GRID1: variants seen among roughly 807,000 people sequenced by gnomAD.
The protein encoded by GRID1 is glutamate ionotropic receptor delta type subunit 1.
GRID1 carries 28 observed loss-of-function variants against 98.0 expected under a neutral mutation model. The observed-to-expected ratio is 0.29, with a 90% confidence interval of 0.21 to 0.39. GRID1 has a LOEUF of 0.39. Ranked by LOEUF, GRID1 falls within the 10% of genes least tolerant of loss-of-function variation. The pLI is 1.00. For missense variants in GRID1, 1,111 were observed against 1,340.5 expected, an observed-to-expected ratio of 0.83 and a Z score of 2.67; for synonymous variants, 553 against 538.5, an observed-to-expected ratio of 1.03 and a Z score of -0.37.
In GRID1 at chr10:85,724,412, A is replaced by G. The variant is rs1385373689; in HGVS notation, c.1798T>C (p.Ser600Pro). ...GCGCTGTGCAGAGTGGCAGAAGCTGACGGCCTGGGCTGGGCAGCACTCTGA... is the reference window on the plus strand; with the variant it reads ...GCGCTGTGCAGAGTGGCAGAAGCTGGCGGCCTGGGCTGGGCAGCACTCTGA... ...RAQSAAQPRP[S>P]ASATLHSAIW... The change falls in exon 11 of 16, where the codon TCA becomes CCA. Residue 600 changes from serine to proline, a missense_variant. Physicochemically the swap from Ser to Pro is moderately conservative, Grantham distance 74 (BLOSUM62 -1). This residue lies in a region of GRID1 where 762 missense variants were observed against 869.1 expected (regional missense o/e 0.88). Coordinates refer to ENST00000327946, the MANE Select transcript of GRID1 (RefSeq NM_017551.3). 3 of 1,614,012 alleles carry G rather than the reference A, an allele frequency of 1.9e-6. No individual in the cohort carries two copies. The highest frequency in any genetic ancestry group is 2.5e-6 in the Non-Finnish European group (3 of 1,180,028).
At chr10:86,065,088 C>T (rs1160326697) in intron 4 of GRID1, among the ~76,000 whole-genome samples, 1 of 152,192 alleles carries the variant, frequency 6.6e-6, no homozygotes, top group Admixed American at 6.5e-5. Flanking sequence ...TGGCTGAGCA[C>T]CCCACTAGGG....
chr10:86,010,136 C>T (rs7090075), intron 4 of GRID1, among the ~76,000 whole-genome samples: 89,250 of 152,090 alleles, frequency 0.59, 26,501 homozygotes, highest in African/African-American at 0.66. Context: ...TTGACTGCCC[C>T]TGGAATCCTT....
At chr10:86,299,461 C>T (rs1295412251) in intron 2 of GRID1, among the ~76,000 whole-genome samples, 1 of 151,402 alleles carries the variant, frequency 6.6e-6, no homozygotes, top group Non-Finnish European at 1.5e-5. Flanking sequence ...TTAGGTATAT[C>T]TCCTAATGCT....
intron 3 of GRID1, among the ~76,000 whole-genome samples, chr10:86,141,967 G>A (rs939195234): frequency 1.3e-5 from 2 of 152,208 alleles, no homozygotes; most frequent in Non-Finnish European, 2.9e-5. Context: ...CTCCAGCTCC[G>A]GCCTCAGCCA....
intron 2 of GRID1, among the ~76,000 whole-genome samples, chr10:86,266,047 G>A (rs548072749): frequency 1.3e-4 from 20 of 152,062 alleles, no homozygotes; most frequent in African/African-American, 3.4e-4. Context: ...AAACTTCCCC[G>A]TGGAGCGCTG....
chr10:86,344,665 CTTG>C (rs1848357667), intron 2 of GRID1, among the ~76,000 whole-genome samples: 2 of 152,242 alleles, frequency 1.3e-5, no homozygotes. Flanking sequence ...AAAGCCCTGT[CTTG>C]ACACCTGAAT....
chr10:86,271,041 T>C (rs1335798603), intron 2 of GRID1, among the ~76,000 whole-genome samples: 3 of 152,152 alleles, frequency 2.0e-5, no homozygotes, highest in African/African-American at 7.2e-5. Flanking sequence ...AGAAGAGTGA[T>C]GGGCACAGAG....
intron 3 of GRID1, among the ~76,000 whole-genome samples, chr10:86,165,049 C>T (rs1845378900): frequency 6.6e-6 from 1 of 152,168 alleles, no homozygotes; most frequent in African/African-American, 2.4e-5. Flanking sequence ...CCTTCAGCTG[C>T]CCTGCTGTGT....
rs1156892068 is a variant in GRID1 at position 85,600,150 on chromosome 10, A to C, written c.*2123T>G. On this transcript the variant is annotated 3_prime_UTR_variant, in exon 16 of 16. Coordinates refer to ENST00000327946, the MANE Select transcript of GRID1 (RefSeq NM_017551.3). ...AAATAGAGAGATATATATGTGAAAAATTGACCATTCAGGGCAGGGCCCCCA... is the reference window on the plus strand; with the variant it reads ...AAATAGAGAGATATATATGTGAAAACTTGACCATTCAGGGCAGGGCCCCCA... 1.3e-5 allele frequency: 2 copies of C among 152,376 alleles called. No homozygotes were observed. The highest frequency in any genetic ancestry group is 4.8e-5 in the African/African-American group (2 of 41,360). 9.4% of individuals were successfully genotyped at this position (152,376 alleles called of 1,614,324 possible).
rs34422598 is a variant in GRID1 at position 85,767,232 on chromosome 10, G to A, written c.1234-37618C>T. Among the ~76,000 whole-genome samples the A allele has an allele frequency of 4.7e-3, 710 of 152,268 alleles. 2 individuals are homozygous for A. Among genetic ancestry groups the A allele is most frequent in the Non-Finnish European group, 6.9e-3 (466 of 68,010 alleles). On this transcript the variant is annotated intron_variant, in intron 8 of 15. Transcript: ENST00000327946. ...CTAGGAAATGTAGAGCCAAGTTGGC[G>A]AAATGTAGCAATTGTATAAACTCAT... is the stretch of plus-strand genomic sequence containing the variant.
intron 4 of GRID1, among the ~76,000 whole-genome samples, chr10:86,116,408 G>A (rs191354391): frequency 5.8e-4 from 88 of 152,218 alleles, no homozygotes; most frequent in African/African-American, 1.8e-3. Flanking sequence ...GCTCTCTCCC[G>A]CAACTCCCCA....
At chr10:86,288,374 T>C (rs1297882184) in intron 2 of GRID1, among the ~76,000 whole-genome samples, 1 of 152,232 alleles carries the variant, frequency 6.6e-6, no homozygotes. Context: ...GGACAGTGTG[T>C]GATCAGTTAC....
At chr10:85,694,318 T>C (rs971992194) in intron 12 of GRID1, among the ~76,000 whole-genome samples, 1 of 151,962 alleles carries the variant, frequency 6.6e-6, no homozygotes. Context: ...TATACACTGT[T>C]GGAAGGAATG....
chr10:85,803,048 T>C (rs921354332), intron 8 of GRID1, among the ~76,000 whole-genome samples: 1 of 152,024 alleles, frequency 6.6e-6, no homozygotes, highest in East Asian at 1.9e-4. Context: ...AAGAGGTTGG[T>C]TGCCAGAAGG....
In GRID1 at chr10:86,352,169, G is replaced by A. The variant is rs556424598; in HGVS notation, c.235+11772C>T. Among the ~76,000 whole-genome samples the A allele has an allele frequency of 5.9e-5, 9 of 152,334 alleles. No homozygotes were observed. In the South Asian group the frequency reaches 1.9e-3, roughly 32 times the overall value. On this transcript the variant is annotated intron_variant, in intron 2 of 15. Transcript: ENST00000327946. The stretch of plus-strand genomic sequence containing the variant: ...TACAGCTCAGCATAAAGACTGGTTC[G>A]AGATGAGAGTCACCCATCCTCAGAG...
intron 3 of GRID1, among the ~76,000 whole-genome samples, chr10:86,140,065 C>G (rs549070605): frequency 9.9e-5 from 15 of 152,210 alleles, no homozygotes; most frequent in Non-Finnish European, 2.2e-4. Context: ...CTGTTTCTCC[C>G]GAACTTTCCA....
chr10:85,848,438 G>A (rs916801637), intron 8 of GRID1, among the ~76,000 whole-genome samples: 6 of 152,090 alleles, frequency 3.9e-5, no homozygotes, highest in Admixed American at 2.0e-4. Flanking sequence ...TGTAAGTTGA[G>A]TAATGTATTT....
intron 8 of GRID1, among the ~76,000 whole-genome samples, chr10:85,838,871 A>G (rs535673944): frequency 8.5e-5 from 13 of 152,230 alleles, no homozygotes; most frequent in African/African-American, 3.1e-4. Flanking sequence ...AAGAACCAAG[A>G]TCCATTGTTA....
intron 8 of GRID1, among the ~76,000 whole-genome samples, chr10:85,811,742 A>AAACTG (rs1431233212): frequency 6.6e-6 from 1 of 152,172 alleles, no homozygotes; most frequent in Non-Finnish European, 1.5e-5. Context: ...ATTATGAGCA[A>AAACTG]TCAGAAGGTG....
Sources: gnomAD v4.1 joint callset for allele counts (sites outside exome capture counted in the v4.1 genomes callset) on GRCh38, gnomAD v4.1.1 for gene constraint, gnomAD v4.1.1 regional missense constraint, MANE v1.5 for transcripts, NCBI Gene and HGNC (gene_info 2026-07-23, HGNC 2026-07-21) for gene names.